The following XKR9 variants were observed in gnomAD, a reference collection of about 807,000 sequenced individuals.
The protein encoded by XKR9 is XK-related protein 9.
In XKR9, 32 loss-of-function variants were observed where a neutral mutation model predicts 32.0. That is an observed-to-expected ratio of 1.00 (90% CI 0.76 to 1.34). The LOEUF (loss-of-function observed/expected upper bound fraction) is 1.34, where lower values mean the gene tolerates loss of function less well. Among genes scored for constraint, XKR9 ranks in the 40% most tolerant of loss-of-function variants. XKR9 has a pLI of 0.00. For synonymous variants in XKR9, 168 were observed against 143.4 expected (o/e 1.17, Z -1.22); for missense variants, 546 against 429.7 (o/e 1.27, Z -2.39).
chr8:70,806,066 C>T, the XKR9 span, among the ~76,000 whole-genome samples: 6 of 152,306 alleles, frequency 3.9e-5, no homozygotes, highest in African/African-American at 1.4e-4. Flanking sequence ...AGGCACCCAT[C>T]TTTGCTGTTC....
the XKR9 span, among the ~76,000 whole-genome samples, chr8:70,931,558 C>T: frequency 6.6e-6 from 1 of 152,164 alleles, no homozygotes; most frequent in Non-Finnish European, 1.5e-5. Flanking sequence ...TGTGTTAGCC[C>T]ATTCTTGTGT....
intron 4 of XKR9, among the ~76,000 whole-genome samples, chr8:70,728,272 A>G (rs1806543173): frequency 1.3e-5 from 2 of 152,088 alleles, no homozygotes. Context: ...CTTAATCTTA[A>G]GGTGTTGGCT....
chr8:70,814,726 A>T, the XKR9 span, among the ~76,000 whole-genome samples: 1 of 152,222 alleles, frequency 6.6e-6, no homozygotes. Flanking sequence ...CAACATTGCT[A>T]GTACTGGAAG....
the XKR9 span, among the ~76,000 whole-genome samples, chr8:70,932,690 C>A: frequency 6.6e-6 from 1 of 152,148 alleles, no homozygotes. Context: ...TGGAGTGCCA[C>A]CTTCTGCTGT....
At chr8:70,767,842 CCTAT>C (rs1374960987) in intron 2 of XKR9, among the ~76,000 whole-genome samples, 12 of 151,736 alleles carry the variant, frequency 7.9e-5, no homozygotes, top group Non-Finnish European at 1.5e-4. Flanking sequence ...AGGCTAGTGG[CCTAT>C]CTATTTTGTT....
chr8:70,960,847 A>G, the XKR9 span, among the ~76,000 whole-genome samples: 1 of 150,536 alleles, frequency 6.6e-6, no homozygotes, highest in South Asian at 2.1e-4. Context: ...ACTTCAGCCT[A>G]GGGGACAAAG....
At chr8:70,960,313 C>T in the XKR9 span, among the ~76,000 whole-genome samples, 3 of 152,036 alleles carry the variant, frequency 2.0e-5, no homozygotes, top group African/African-American at 7.2e-5. Context: ...ATGGGCCCAG[C>T]ATCTATTTTC....
intron 2 of XKR9, among the ~76,000 whole-genome samples, chr8:70,678,952 A>C (rs930004956): frequency 6.6e-6 from 1 of 152,236 alleles, no homozygotes; most frequent in Non-Finnish European, 1.5e-5. Context: ...CTGCCATAGC[A>C]GAATACCACA....
At chr8:70,895,139 G>T in the XKR9 span, among the ~76,000 whole-genome samples, 1 of 152,076 alleles carries the variant, frequency 6.6e-6, no homozygotes, top group Admixed American at 6.5e-5. Context: ...TGTTGATGGG[G>T]GTTGCTAGGC....
chr8:70,832,315 T>C, the XKR9 span, among the ~76,000 whole-genome samples: 1 of 152,162 alleles, frequency 6.6e-6, no homozygotes, highest in African/African-American at 2.4e-5. Flanking sequence ...ACATTGAAGT[T>C]TTCTTTTCTT....
chr8:70,700,750 C>T (rs1242740825), intron 3 of XKR9, among the ~76,000 whole-genome samples: 1 of 152,180 alleles, frequency 6.6e-6, no homozygotes, highest in African/African-American at 2.4e-5. Context: ...GCAGAGGTTA[C>T]TGCTGTCTTT....
chr8:70,771,673 C>T (rs1215611302), intron 2 of XKR9, among the ~76,000 whole-genome samples: 1 of 152,136 alleles, frequency 6.6e-6, no homozygotes, highest in South Asian at 2.1e-4. Context: ...TTGTCTAGAT[C>T]AAAAGAAAAT....
intron 2 of XKR9, among the ~76,000 whole-genome samples, chr8:70,782,006 A>G (rs1807624062): frequency 6.6e-6 from 1 of 152,196 alleles, no homozygotes. Flanking sequence ...CACAACTATG[A>G]TTGTAAATTA....
chr8:70,774,100 T>A (rs1402017720), intron 2 of XKR9, among the ~76,000 whole-genome samples: 1 of 152,164 alleles, frequency 6.6e-6, no homozygotes. Flanking sequence ...CAATAAATAC[T>A]TAATTCTCAC....
the XKR9 span, among the ~76,000 whole-genome samples, chr8:70,923,531 T>C: frequency 6.6e-6 from 1 of 152,192 alleles, no homozygotes; most frequent in Non-Finnish European, 1.5e-5. Flanking sequence ...GCATGGGCCC[T>C]TCCCAGGTTC....
chr8:70,928,583 T>G, the XKR9 span, among the ~76,000 whole-genome samples: 328 of 152,288 alleles, frequency 2.2e-3, 4 homozygotes, highest in Middle Eastern at 6.8e-3. Flanking sequence ...GCCCATATAC[T>G]TTAGTTGATA....
At chr8:71,009,336 T>A in the XKR9 span, among the ~76,000 whole-genome samples, 1 of 152,184 alleles carries the variant, frequency 6.6e-6, no homozygotes, top group Admixed American at 6.5e-5. Flanking sequence ...TTTGTTTTGT[T>A]TTTTGTTTTT....
the XKR9 span, among the ~76,000 whole-genome samples, chr8:71,002,105 T>A: frequency 6.6e-6 from 1 of 152,160 alleles, no homozygotes; most frequent in African/African-American, 2.4e-5. Flanking sequence ...AATTGAATAC[T>A]GGCTATCATG....
intron 2 of XKR9, among the ~76,000 whole-genome samples, chr8:70,752,078 T>C (rs1807150355): frequency 6.6e-6 from 1 of 152,198 alleles, no homozygotes; most frequent in Non-Finnish European, 1.5e-5. Flanking sequence ...TTTGGAGACA[T>C]GATTAATACA....
Sources: gnomAD v4.1 joint callset for allele counts (sites outside exome capture counted in the v4.1 genomes callset) on GRCh38, gnomAD v4.1.1 for gene constraint, MANE v1.5 for transcripts, NCBI Gene and HGNC (gene_info 2026-07-23, HGNC 2026-07-21) for gene names.